USP34: variants seen among roughly 807,000 people sequenced by gnomAD.
USP34 encodes ubiquitin carboxyl-terminal hydrolase 34.
A neutral mutation model predicts 460.3 loss-of-function variants in USP34; 70 were observed. The ratio of observed to expected loss-of-function variants is 0.15; its 90% confidence interval spans 0.13 to 0.19. The LOEUF (loss-of-function observed/expected upper bound fraction) is 0.19, where lower values mean the gene tolerates loss of function less well. Among genes scored for constraint, USP34 ranks in the 10% least tolerant of loss-of-function variants. The pLI is 1.00. For synonymous variants in USP34, 1,647 were observed against 1,405.3 expected, an observed-to-expected ratio of 1.17 and a Z score of -3.85; for missense variants, 3,985 against 4,236.2, an observed-to-expected ratio of 0.94 and a Z score of 1.65.
Position 61,395,184 on chromosome 2 carries a change from T to TCAC in USP34, c.601_602insGTG (p.Asn201delinsSerAsp), listed in dbSNP as rs1405499072. ...AGAATAAAAAAGGTAAACACTTACA[T>TCAC]TCATATCACAGAATGCCCCTAATAT... is the stretch of plus-strand genomic sequence containing the variant. On this transcript the variant is annotated protein_altering_variant and splice_region_variant, in exon 4 of 80. Coordinates refer to ENST00000398571, the MANE Select transcript of USP34 (RefSeq NM_014709.4). 2 of 1,502,662 alleles carry TCAC rather than the reference T, an allele frequency of 1.3e-6. No individual in the cohort carries two copies. Among genetic ancestry groups the TCAC allele is most frequent in the Non-Finnish European group, 1.8e-6 (2 of 1,099,070 alleles). The allele number at this position is 1,502,662 out of a possible 1,614,324, so 93.1% of individuals were successfully genotyped here.
intron 53 of USP34, among the ~76,000 whole-genome samples, chr2:61,240,652 T>C (rs182048680): frequency 8.2e-4 from 123 of 150,386 alleles, no homozygotes; most frequent in Non-Finnish European, 1.2e-3. Flanking sequence ...CGGTTCACTA[T>C]AACCTCCGCC....
intron 43 of USP34, among the ~76,000 whole-genome samples, chr2:61,263,363 A>T (rs10221926): frequency 0.98 from 148,540 of 151,780 alleles, 72,692 homozygotes; most frequent in East Asian, 1. Flanking sequence ...TATTTTTTAG[A>T]GGAGACATGG....
rs747773390 is a variant in USP34, at chr2:61,314,721, G to C, written c.3406C>G (p.Gln1136Glu). ...TCCATGCACTTACTAATAAATTCTTGCTCCTTCTCCAAACCTGTTTTACCT... is the reference window on the plus strand; with the variant it reads ...TCCATGCACTTACTAATAAATTCTTCCTCCTTCTCCAAACCTGTTTTACCT... ...INGKTGLEKE[Q>E]EFISKCMESL... The change falls in exon 25 of 80, where the codon CAA (glutamine) becomes GAA (glutamate). Residue 1136 changes from glutamine (Q) to glutamate (E), a missense_variant. Physicochemically the swap from Gln to Glu is conservative, Grantham distance 29 (BLOSUM62 2). Around this residue, in one of 14 missense-constraint regions of USP34, gnomAD observed 1,114 missense variants for 1,122.5 expected, o/e 0.99. Transcript: ENST00000398571. 13 of 1,584,394 alleles carry C rather than the reference G, an allele frequency of 8.2e-6. No individual in the cohort carries two copies. Among genetic ancestry groups the C allele is most frequent in the Non-Finnish European group, 1.1e-5 (13 of 1,169,838 alleles).
rs1693865017 is a variant in USP34, at chr2:61,406,194, A to C, written c.132-66T>G. ...GCAGCTGTATTTTTTAATAATATAAAAAAACAAGTAAGCAAATACTAAGTT... is the reference window on the plus strand; with the variant it reads ...GCAGCTGTATTTTTTAATAATATAACAAAACAAGTAAGCAAATACTAAGTT... On this transcript the variant is annotated intron_variant, in intron 2 of 79. Coordinates refer to ENST00000398571, the MANE Select transcript of USP34 (RefSeq NM_014709.4). The C allele has an allele frequency of 3.0e-6, 4 of 1,319,968 alleles. No individual in the cohort carries two copies. The South Asian group carries it at 6.8e-5, about 22-fold the overall frequency. The allele number at this position is 1,319,968 out of a possible 1,614,324, so 81.8% of individuals were successfully genotyped here.
chr2:61,262,116 A>AAAAAAAATATAT (rs1553359480), intron 43 of USP34, among the ~76,000 whole-genome samples: 2 of 47,396 alleles, frequency 4.2e-5, no homozygotes, highest in African/African-American at 1.6e-4. Context: ...AAAAAAAAAA[A>AAAAAAAATATAT]ATATATATAT....
intron 10 of USP34, among the ~76,000 whole-genome samples, chr2:61,369,705 C>T (rs1297567365): frequency 2.9e-5 from 3 of 102,252 alleles, no homozygotes; most frequent in Admixed American, 1.9e-4. Context: ...TACAGTTTTA[C>T]AAGAAGATAA....
intron 53 of USP34, among the ~76,000 whole-genome samples, chr2:61,239,229 A>C (rs1688170819): frequency 1.3e-5 from 2 of 151,506 alleles, no homozygotes; most frequent in Middle Eastern, 3.4e-3. Flanking sequence ...TAAAAGGAGG[A>C]GTCACACATC....
intron 15 of USP34, among the ~76,000 whole-genome samples, chr2:61,347,266 A>C (rs1375041919): frequency 6.6e-6 from 1 of 152,360 alleles, no homozygotes; most frequent in African/African-American, 2.4e-5. Context: ...TTGGTAAGAA[A>C]AAAAGGAAGG....
chr2:61,435,146 A>C (rs543398287), intron 1 of USP34, among the ~76,000 whole-genome samples: 1 of 151,826 alleles, frequency 6.6e-6, no homozygotes, highest in Non-Finnish European at 1.5e-5. Flanking sequence ...TCTACAAAAA[A>C]ATATAAAAAT....
chr2:61,241,995 C>T (rs1019711959), intron 51 of USP34, among the ~76,000 whole-genome samples, 176 bp from the exon 52 acceptor site: 1 of 151,898 alleles, frequency 6.6e-6, no homozygotes, highest in Non-Finnish European at 1.5e-5. Flanking sequence ...GCCAATATAT[C>T]CTAATATCTT....
intron 16 of USP34, 53 bp from the exon 17 acceptor site, chr2:61,339,734 T>C (rs1428640586): frequency 2.4e-5 from 23 of 974,190 alleles, no homozygotes; most frequent in Non-Finnish European, 3.2e-5. Flanking sequence ...AGCTGACTGA[T>C]TATAGCATTC....
intron 57 of USP34, among the ~76,000 whole-genome samples, chr2:61,233,499 A>T (rs1206846393): frequency 6.6e-6 from 1 of 152,154 alleles, no homozygotes; most frequent in Non-Finnish European, 1.5e-5. Context: ...GATGGAGAAA[A>T]CTGAACATAG....
intron 51 of USP34, among the ~76,000 whole-genome samples, chr2:61,243,561 T>A (rs1164229338): frequency 3.1e-5 from 1 of 32,352 alleles, no homozygotes; most frequent in African/African-American, 8.8e-5. Context: ...TTCCTTCATT[T>A]TTTTTTTTTT....
chr2:61,326,950 AT>A (rs896486056), intron 20 of USP34, among the ~76,000 whole-genome samples: 424 of 148,722 alleles, frequency 2.9e-3, no homozygotes, highest in African/African-American at 9.6e-3. Context: ...CACCCAGCTG[AT>A]TTTTTTTTTA....
At chr2:61,314,829 C>G in intron 24 of USP34, 46 bp downstream of exon 24, 1 of 1,597,352 alleles carries the variant, frequency 6.3e-7, no homozygotes, top group Non-Finnish European at 8.5e-7. Flanking sequence ...TCACAAAACA[C>G]CCTCACATAG....
intron 61 of USP34, among the ~76,000 whole-genome samples, chr2:61,227,604 G>A (rs1288434108): frequency 8.5e-5 from 13 of 152,060 alleles, no homozygotes; most frequent in South Asian, 8.3e-4. Flanking sequence ...CCTGCTACTC[G>A]GGAGGCTGAG....
chr2:61,350,242 A>G lies in USP34; in HGVS notation c.1507+18T>C. On this transcript the variant is annotated intron_variant, in intron 12 of 79. Coordinates refer to ENST00000398571, the MANE Select transcript of USP34 (RefSeq NM_014709.4). ...GAAGCTCTCAACAATTTACTTCAAA[A>G]TACATGACATTACTAACCTTTCTTA... is the stretch of plus-strand genomic sequence containing the variant. 6.3e-7 allele frequency: 1 copy of G among 1,582,744 alleles called. No homozygotes were observed. Among genetic ancestry groups the G allele is most frequent in the African/African-American group, 1.4e-5 (1 of 73,750 alleles).
rs192738368 is a variant in USP34, at chr2:61,436,257, G to A, written c.44-15424C>T. Among the ~76,000 whole-genome samples the A allele has an allele frequency of 3.3e-5, 5 of 152,292 alleles. No individual in the cohort carries two copies. The East Asian group carries it at 9.6e-4, about 29-fold the overall frequency. On this transcript the variant is annotated intron_variant, in intron 1 of 79. Coordinates refer to ENST00000398571, the MANE Select transcript of USP34 (RefSeq NM_014709.4). ...AGGCAAAAGAATCGCTTGAACCTGG[G>A]AGGAAGAGGTTGCAGTGAGTCAAGA...
intron 1 of USP34, among the ~76,000 whole-genome samples, chr2:61,446,113 C>CAAAAAAAAAAA: frequency 1.1e-5 from 1 of 87,246 alleles, no homozygotes; most frequent in South Asian, 3.7e-4. Flanking sequence ...GACTCTGTCT[C>CAAAAAAAAAAA]AAAAAAAAAA....
Sources: allele counts gnomAD v4.1 joint callset (sites outside exome capture counted in the v4.1 genomes callset), GRCh38; gene constraint gnomAD v4.1.1; regional missense constraint gnomAD v4.1.1; transcripts MANE v1.5; gene names NCBI Gene and HGNC (gene_info 2026-07-23, HGNC 2026-07-21).